The following PTK2B variants were observed in gnomAD, a reference collection of about 807,000 sequenced individuals.
The protein encoded by PTK2B is protein tyrosine kinase 2 beta, also known as protein-tyrosine kinase 2-beta.
In PTK2B, 71 loss-of-function variants were observed where a neutral mutation model predicts 142.9. The ratio of observed to expected loss-of-function variants is 0.50; its 90% CI spans 0.41 to 0.61. PTK2B has a LOEUF of 0.61. PTK2B is among the 20% of genes least tolerant of loss of function. The pLI is 0.00. For missense variants in PTK2B, 1,105 were observed against 1,320.4 expected (o/e 0.84, Z 2.53); for synonymous variants, 519 against 503.4 (o/e 1.03, Z -0.42).
Position 27,432,283 on chromosome 8 carries a change from G to A in PTK2B, c.909G>A (p.Lys303=). 6.2e-7 allele frequency: 1 copy of A among 1,614,100 alleles called. No individual in the cohort carries two copies. ...DAKPTCLAEF[K]QIRSIRCLPL... ...AGCCCACCTGCCTGGCCGAGTTCAA[G>A]CAGATCAGGTCCATCAGGTGCCTCC... The change falls in exon 10 of 31, where the codon AAG becomes AAA. Residue 303 remains lysine, a synonymous_variant. Coordinates refer to ENST00000346049, the MANE Select transcript of PTK2B (RefSeq NM_173176.3).
intron 29 of PTK2B, 99 bp from the exon 30 acceptor site, chr8:27,454,432 C>G (rs1030218030): frequency 3.9e-6 from 6 of 1,549,366 alleles, no homozygotes; most frequent in Admixed American, 3.4e-5. Flanking sequence ...AGGCCACTCG[C>G]GGGGGACAAG....
chr8:27,379,843 C>T (rs867012656), intron 1 of PTK2B, among the ~76,000 whole-genome samples: 4 of 152,268 alleles, frequency 2.6e-5, no homozygotes, highest in Admixed American at 2.0e-4. Flanking sequence ...TGGGCTCAAG[C>T]GATTCTCCCA....
rs138598349 is a variant in PTK2B, at chr8:27,393,496, C to T, written c.-37-4052C>T. On this transcript the variant is annotated intron_variant, in intron 1 of 30. Coordinates refer to ENST00000346049, the MANE Select transcript of PTK2B (RefSeq NM_173176.3). ...ATAAGACACCAGAGTCCTCCAAGCACGCTGATGATGTGTCTGGGTGGGCTG... is the reference window on the plus strand; with the variant it reads ...ATAAGACACCAGAGTCCTCCAAGCATGCTGATGATGTGTCTGGGTGGGCTG... Among the ~76,000 whole-genome samples the T allele has an allele frequency of 2.0e-5, 3 of 152,042 alleles. 1 individual carries two copies. The highest frequency in any genetic ancestry group is 2.9e-5 in the Non-Finnish European group (2 of 67,984).
chr8:27,407,809 C>A (rs962958803), intron 2 of PTK2B, among the ~76,000 whole-genome samples: 8 of 152,154 alleles, frequency 5.3e-5, no homozygotes, highest in Non-Finnish European at 1.0e-4. Flanking sequence ...ATCCTTCCCC[C>A]CTTACCCATC....
At chr8:27,408,657 G>T (rs1382644636) in intron 2 of PTK2B, among the ~76,000 whole-genome samples, 1 of 152,170 alleles carries the variant, frequency 6.6e-6, no homozygotes, top group Non-Finnish European at 1.5e-5. Context: ...CCCCACAGGG[G>T]ATATCACTGG....
chr8:27,452,977 G>A (rs138136089), intron 27 of PTK2B, 137 bp from the exon 28 acceptor site: 249 of 1,020,450 alleles, frequency 2.4e-4, no homozygotes, highest in Middle Eastern at 3.2e-4. Context: ...TCCCCTGCCC[G>A]CTTCCTGGAT....
intron 1 of PTK2B, among the ~76,000 whole-genome samples, chr8:27,370,628 TGA>T (rs1413364792): frequency 6.6e-6 from 1 of 152,228 alleles, no homozygotes. Context: ...TTCATCCACA[TGA>T]GACTCAAGAG....
intron 1 of PTK2B, chr8:27,395,979 A>G (rs1808024991): frequency 1.3e-5 from 2 of 152,200 alleles, no homozygotes; most frequent in South Asian, 2.1e-4. Flanking sequence ...ATAGACAGAT[A>G]CTTCCAGAAT....
chr8:27,313,479 G>A (rs542254160), intron 3 of PTK2B, among the ~76,000 whole-genome samples: 3 of 152,270 alleles, frequency 2.0e-5, no homozygotes, highest in South Asian at 4.1e-4. Flanking sequence ...AGACCCAAGC[G>A]GGCAACTTGA....
chr8:27,442,178 A>C (rs1217766614), intron 21 of PTK2B, among the ~76,000 whole-genome samples: 1 of 152,226 alleles, frequency 6.6e-6, no homozygotes, highest in Non-Finnish European at 1.5e-5. Context: ...GCTGAACAAA[A>C]TGTAGTGGGC....
chr8:27,353,704 A>G (rs1435757067), intron 1 of PTK2B, among the ~76,000 whole-genome samples: 4 of 152,178 alleles, frequency 2.6e-5, no homozygotes, highest in African/African-American at 9.7e-5. Flanking sequence ...CACGATTTCT[A>G]CTGCTCAGCT....
chr8:27,431,073 AGGG>A (rs377122275), intron 8 of PTK2B, 57 bp downstream of exon 8: 2 of 1,573,778 alleles, frequency 1.3e-6, no homozygotes, highest in African/African-American at 2.7e-5. Context: ...CTCTCGGAAA[AGGG>A]GGCCAGGAGG....
rs1586320270 is a variant in PTK2B at position 27,435,896 on chromosome 8, C to T, written c.1243+103C>T. 35 of 1,400,778 alleles carry T rather than the reference C, an allele frequency of 2.5e-5. No individual in the cohort carries two copies. The East Asian group carries it at 8.0e-4, about 32-fold the overall frequency. The allele number at this position is 1,400,778 out of a possible 1,614,324, so 86.8% of individuals were successfully genotyped here. A position where few individuals can be genotyped will look rare whatever the true frequency, so the allele number is the denominator to read the frequency against. ...AGGGAACATTCTTTTCCTCCTTTAT[C>T]CTCCCTTCGTGCTAGACTTAGACAG... is the stretch of plus-strand genomic sequence containing the variant. On this transcript the variant is annotated intron_variant, in intron 14 of 30. Coordinates refer to ENST00000346049, the MANE Select transcript of PTK2B (RefSeq NM_173176.3).
At chr8:27,411,988 C>T (rs775889844) in intron 2 of PTK2B, among the ~76,000 whole-genome samples, 18 of 152,154 alleles carry the variant, frequency 1.2e-4, no homozygotes, top group Non-Finnish European at 2.5e-4. Flanking sequence ...TAAATGAGAG[C>T]CAGCCAAATG....
chr8:27,345,968 C>G (rs570445964), intron 1 of PTK2B, among the ~76,000 whole-genome samples: 32 of 152,214 alleles, frequency 2.1e-4, no homozygotes, highest in African/African-American at 7.7e-4. Context: ...AGACACCAGA[C>G]CAAAGGTGTC....
Position 27,442,920 on chromosome 8 carries a change from G to A in PTK2B, c.2085G>A (p.Arg695=), listed in dbSNP as rs1811243417. Residue 695 remains arginine, a synonymous_variant, in exon 22 of 31, where the codon AGG becomes AGA. Transcript: ENST00000346049. ...MEKDIAMEQE[R]NARYRTPKIL... The stretch of plus-strand genomic sequence containing the variant: ...AGGACATTGCCATGGAGCAAGAGAG[G>A]AATGCTCGCTACCGAACCCCCAAAA... 2 of 1,614,198 alleles carry A rather than the reference G, an allele frequency of 1.2e-6. No homozygotes were observed. The highest frequency in any genetic ancestry group is 1.7e-6 in the Non-Finnish European group (2 of 1,180,016).
chr8:27,324,483 T>C (rs1586076276), upstream of PTK2B, among the ~76,000 whole-genome samples: 1 of 152,344 alleles, frequency 6.6e-6, no homozygotes, highest in Non-Finnish European at 1.5e-5. Context: ...CTAATTATAC[T>C]TTGAGAAACA....
At chr8:27,453,470 T>G (rs1811948770) in intron 28 of PTK2B, among the ~76,000 whole-genome samples, 1 of 152,176 alleles carries the variant, frequency 6.6e-6, no homozygotes, top group Admixed American at 6.5e-5. Context: ...GCCTCCTCAC[T>G]TGGTTTCCAG....
At chr8:27,389,728 G>A (rs1002386535) in intron 1 of PTK2B, among the ~76,000 whole-genome samples, 38 of 152,198 alleles carry the variant, frequency 2.5e-4, no homozygotes, top group Non-Finnish European at 4.0e-4. Flanking sequence ...TCTTTCCTCC[G>A]CAAGGTAATG....
Sources: gnomAD v4.1 joint callset for allele counts (sites outside exome capture counted in the v4.1 genomes callset) on GRCh38, gnomAD v4.1.1 for gene constraint, MANE v1.5 for transcripts, NCBI Gene and HGNC (gene_info 2026-07-23, HGNC 2026-07-21) for gene names.